The following FGFR2 variants were observed in gnomAD, a reference collection of about 807,000 sequenced individuals.
The protein encoded by FGFR2 is fibroblast growth factor receptor 2, also known as BEK fibroblast growth factor receptor.
FGFR2 carries 19 observed loss-of-function variants against 95.9 expected under a neutral mutation model. That is an observed-to-expected ratio of 0.20 (90% CI 0.14 to 0.29). The LOEUF is 0.29. Ranked by LOEUF, FGFR2 falls within the 10% of genes least tolerant of loss-of-function variation. The pLI is 1.00. For missense variants in FGFR2, 707 were observed against 1,056.9 expected (o/e 0.67, Z 4.59); for synonymous variants, 392 against 393.3 (o/e 1.00, Z 0.04).
chr10:121,496,476 T>C (rs2133930165), intron 13 of FGFR2, 56 bp downstream of exon 13: 1 of 1,576,674 alleles, frequency 6.3e-7, no homozygotes, highest in Non-Finnish European at 8.7e-7. Flanking sequence ...GCCTGTTTTC[T>C]TTAAAGACAT....
At chr10:121,565,176 CAAA>C (rs71865754) in intron 3 of FGFR2, among the ~76,000 whole-genome samples, 5 of 97,978 alleles carry the variant, frequency 5.1e-5, no homozygotes, top group Admixed American at 1.2e-4. Flanking sequence ...GTCAGTGGTA[CAAA>C]AAAAAAAAAA....
intron 13 of FGFR2, among the ~76,000 whole-genome samples, chr10:121,492,167 C>T (rs551785745): frequency 9.4e-4 from 143 of 152,132 alleles, no homozygotes; most frequent in African/African-American, 3.3e-3. Flanking sequence ...AGAGTGAGAC[C>T]CTGTCTCAAA....
At chr10:121,570,750 C>T (rs1171977285) in intron 2 of FGFR2, among the ~76,000 whole-genome samples, 5 of 152,154 alleles carry the variant, frequency 3.3e-5, no homozygotes, top group African/African-American at 9.7e-5. Flanking sequence ...AATTAAAAGT[C>T]GAAAAGAAGC....
At chr10:121,482,262 GAAGA>G in intron 17 of FGFR2, 1 of 1,341,980 alleles carries the variant, frequency 7.5e-7, no homozygotes. Flanking sequence ...TTTGGCAGAA[GAAGA>G]AAGTTGGTTT....
At chr10:121,581,498 G>T (rs1860854184) in intron 2 of FGFR2, among the ~76,000 whole-genome samples, 1 of 57,204 alleles carries the variant, frequency 1.7e-5, no homozygotes, top group South Asian at 7.7e-4. Flanking sequence ...CAGCACTCTG[G>T]GAGGCCAAGG....
chr10:121,504,587 T>G (rs1848037545), intron 9 of FGFR2, among the ~76,000 whole-genome samples: 1 of 152,192 alleles, frequency 6.6e-6, no homozygotes, highest in African/African-American at 2.4e-5. Context: ...GGCCAGGCTA[T>G]TCAGTGGAAA....
chr10:121,497,565 C>T (rs1285122709), intron 12 of FGFR2, among the ~76,000 whole-genome samples: 1 of 152,204 alleles, frequency 6.6e-6, no homozygotes, highest in East Asian at 1.9e-4. Context: ...CCCTTATATG[C>T]ATAGGCATTT....
chr10:121,556,394 CTA>C (rs1491461500), intron 4 of FGFR2, among the ~76,000 whole-genome samples: 2 of 94,926 alleles, frequency 2.1e-5, no homozygotes, highest in African/African-American at 1.1e-4. Flanking sequence ...GGTTTATAAT[CTA>C]CTCTCTCTCT....
At chr10:121,481,854 T>TTTG (rs1844759901) in intron 17 of FGFR2, 1 of 197,576 alleles carries the variant, frequency 5.1e-6, no homozygotes, top group Non-Finnish European at 1.0e-5. Context: ...TTTTTTTTTT[T>TTTG]GAGACGGAGT....
intron 13 of FGFR2, among the ~76,000 whole-genome samples, chr10:121,488,953 T>C (rs939729181): frequency 1.3e-5 from 2 of 152,252 alleles, no homozygotes; most frequent in Non-Finnish European, 2.9e-5. Context: ...GAAGAACCTC[T>C]GAATTGTTAG....
chr10:121,525,115 G>A (rs1429917356), intron 6 of FGFR2, among the ~76,000 whole-genome samples: 2 of 152,154 alleles, frequency 1.3e-5, no homozygotes, highest in South Asian at 2.1e-4. Flanking sequence ...TAAACACATG[G>A]AAAATAGGCT....
chr10:121,491,827 G>A (rs1040037165), intron 13 of FGFR2, among the ~76,000 whole-genome samples: 2 of 146,380 alleles, frequency 1.4e-5, no homozygotes, highest in Non-Finnish European at 3.0e-5. Context: ...CCGAGATAGC[G>A]CCACTGAACT....
intron 6 of FGFR2, chr10:121,526,320 C>T (rs1851360529): frequency 5.0e-6 from 2 of 397,322 alleles, no homozygotes; most frequent in African/African-American, 4.1e-5. Context: ...CATAAAAACG[C>T]ACTAAACCAG....
At chr10:121,596,851 T>A (rs1863495172) in intron 1 of FGFR2, among the ~76,000 whole-genome samples, 1 of 152,182 alleles carries the variant, frequency 6.6e-6, no homozygotes, top group Non-Finnish European at 1.5e-5. Flanking sequence ...ATCTGCATTT[T>A]AATTGACATT....
chr10:121,486,298 A>C (rs1845393765), intron 15 of FGFR2, among the ~76,000 whole-genome samples: 1 of 152,232 alleles, frequency 6.6e-6, no homozygotes, highest in African/African-American at 2.4e-5. Flanking sequence ...CAGGACAGGC[A>C]GAACAGCCTC....
chr10:121,512,495 C>T (rs2981456), intron 9 of FGFR2, among the ~76,000 whole-genome samples: 144,562 of 152,276 alleles, frequency 0.95, 69,079 homozygotes, highest in Middle Eastern at 1. Flanking sequence ...TTATACTCCT[C>T]GGCCCTACTG....
intron 6 of FGFR2, chr10:121,526,731 GT>G: frequency 1.0e-5 from 4 of 398,648 alleles, no homozygotes; most frequent in Non-Finnish European, 1.8e-5. Flanking sequence ...AGAATCACCT[GT>G]TTTGTTTTGT....
Position 121,537,146 on chromosome 10 carries a change from A to G in FGFR2, c.748+1446T>C, listed in dbSNP as rs41295523. Among the ~76,000 whole-genome samples the G allele has an allele frequency of 9.1e-4, 138 of 152,332 alleles. No individual in the cohort carries two copies. In the East Asian group the frequency reaches 0.024, roughly 27 times the overall value. ...AAGAAACATGCCACATGTTTTCTCTATGGGGAAAGAGCTCTAAAACTCACT... is the reference window on the plus strand; with the variant it reads ...AAGAAACATGCCACATGTTTTCTCTGTGGGGAAAGAGCTCTAAAACTCACT... On this transcript the variant is annotated intron_variant, in intron 6 of 17. Coordinates refer to ENST00000358487, the MANE Select transcript of FGFR2 (RefSeq NM_000141.5).
chr10:121,557,045 G>C lies in FGFR2; in HGVS notation c.455-5586C>G, dbSNP rs576498383. Among the ~76,000 whole-genome samples, 11 of 152,322 alleles carry C rather than the reference G, an allele frequency of 7.2e-5. No homozygotes were observed. In the South Asian group the frequency reaches 2.1e-3, roughly 29 times the overall value. On this transcript the variant is annotated intron_variant, in intron 4 of 17. Coordinates refer to ENST00000358487, the MANE Select transcript of FGFR2 (RefSeq NM_000141.5). ...TGAGGGGGTATGTCTGTGGCTTTGAGAAATCTCATTAAAAACTTGCTAACC... is the reference window on the plus strand; with the variant it reads ...TGAGGGGGTATGTCTGTGGCTTTGACAAATCTCATTAAAAACTTGCTAACC...
Sources: allele counts gnomAD v4.1 joint callset (sites outside exome capture counted in the v4.1 genomes callset), GRCh38; gene constraint gnomAD v4.1.1; transcripts MANE v1.5; gene names NCBI Gene and HGNC (gene_info 2026-07-23, HGNC 2026-07-21).